Variants in POLQ observed in about 807,000 individuals in gnomAD.
POLQ encodes the protein epididymis secretory sperm binding protein.
In POLQ, 233 loss-of-function variants were observed where a neutral mutation model predicts 259.2. That is an observed-to-expected ratio of 0.90 (90% confidence interval 0.81 to 1.00). The LOEUF (loss-of-function observed/expected upper bound fraction) is 1.00, where lower values mean the gene tolerates loss of function less well. POLQ is among the 50% of genes least tolerant of loss of function. The pLI is 0.00. For missense variants in POLQ, 2,871 were observed against 3,051.6 expected (o/e 0.94, Z 1.39); for synonymous variants, 1,025 against 1,048.8 (o/e 0.98, Z 0.44).
At chr3:121,462,670 C>G (rs1190205690) in intron 24 of POLQ, among the ~76,000 whole-genome samples, 1 of 152,162 alleles carries the variant, frequency 6.6e-6, no homozygotes, top group Non-Finnish European at 1.5e-5. Context: ...ACAACTACTT[C>G]AACAACATAT....
intron 4 of POLQ, 106 bp downstream of exon 4, chr3:121,539,327 A>G: frequency 1.2e-6 from 1 of 841,032 alleles, no homozygotes; most frequent in South Asian, 1.7e-5. Flanking sequence ...GAAGTAGATA[A>G]TAGACAATAG....
In POLQ at chr3:121,514,290, C is replaced by T. The variant is rs559791558; in HGVS notation, c.1469-2261G>A. Among the ~76,000 whole-genome samples, 266 of 143,942 alleles carry T rather than the reference C, an allele frequency of 1.8e-3. 1 individual carries two copies. Among genetic ancestry groups the T allele is most frequent in the African/African-American group, 5.9e-3 (227 of 38,676 alleles). 94.4% of individuals were successfully genotyped at this position (143,942 alleles called of 152,430 possible). A position where few individuals can be genotyped will look rare whatever the true frequency, so the allele number is the denominator to read the frequency against. ...TTGCAGTGAACCAAGATTGCGCCAT[C>T]GCACTACAGCCTGGGCAACAAGAGT... On this transcript the variant is annotated intron_variant, in intron 9 of 29. Transcript: ENST00000264233.
intron 25 of POLQ, among the ~76,000 whole-genome samples, chr3:121,456,879 T>A (rs527926204): frequency 5.9e-5 from 9 of 152,028 alleles, no homozygotes; most frequent in African/African-American, 1.9e-4. Flanking sequence ...ATTGGAAAAA[T>A]CTACTTTAAA....
At chr3:121,455,235 G>A (rs2047723023) in intron 25 of POLQ, among the ~76,000 whole-genome samples, 1 of 145,742 alleles carries the variant, frequency 6.9e-6, no homozygotes, top group Non-Finnish European at 1.5e-5. Context: ...TCAAAGCAGT[G>A]TGTAGAGGGA....
chr3:121,496,972 A>G lies in POLQ; in HGVS notation c.2154-40T>C. ...TCAAAAGCGTGGTAAGAGATCCTTCACGTCTACTAGGCGATACAGTGTGTT... is the reference window on the plus strand; with the variant it reads ...TCAAAAGCGTGGTAAGAGATCCTTCGCGTCTACTAGGCGATACAGTGTGTT... On this transcript the variant is annotated intron_variant, in intron 13 of 29. Coordinates refer to ENST00000264233, the MANE Select transcript of POLQ (RefSeq NM_199420.4). 2.5e-6 allele frequency: 4 copies of G among 1,607,562 alleles called. 1 individual carries two copies. The highest frequency in any genetic ancestry group is 3.4e-5 in the Admixed American group (2 of 58,836).
chr3:121,494,517 G>A (rs940242028), intron 14 of POLQ: 19 of 1,569,392 alleles, frequency 1.2e-5, no homozygotes, highest in Middle Eastern at 2.3e-4. Flanking sequence ...CCTGTCCTTC[G>A]AACAGGAGTT....
At chr3:121,460,360 G>A (rs760606154) in intron 24 of POLQ, 126 bp from the exon 25 acceptor site, 2 of 650,700 alleles carry the variant, frequency 3.1e-6, no homozygotes, top group Non-Finnish European at 5.4e-6. Context: ...GAAATCACAT[G>A]TCAAAAGTTA....
chr3:121,498,338 A>G, intron 13 of POLQ, 139 bp downstream of exon 13: 1 of 555,082 alleles, frequency 1.8e-6, no homozygotes, highest in Non-Finnish European at 3.1e-6. Flanking sequence ...GAAAATGAAA[A>G]AAAAGAAAAC....
At chr3:121,454,382 A>G (rs1178219673) in intron 25 of POLQ, among the ~76,000 whole-genome samples, 1 of 152,208 alleles carries the variant, frequency 6.6e-6, no homozygotes, top group Admixed American at 6.5e-5. Context: ...ACACATAACA[A>G]TATTAACTTT....
intron 26 of POLQ, among the ~76,000 whole-genome samples, chr3:121,443,235 G>T (rs989013052): frequency 1.3e-5 from 2 of 152,206 alleles, no homozygotes; most frequent in African/African-American, 2.4e-5. Flanking sequence ...GTGAATGATG[G>T]TTCCTTTTTC....
In POLQ at chr3:121,476,576, G is replaced by T; in HGVS notation, c.6369C>A (p.His2123Gln). 1 of 1,613,784 alleles carries T rather than the reference G, an allele frequency of 6.2e-7. No homozygotes were observed. Among genetic ancestry groups the T allele is most frequent in the Non-Finnish European group, 8.5e-7 (1 of 1,179,838 alleles). ...IETQAYQLAG[H>Q]SFSFTSSDDI... ...CATCTGAACTGGTGAAAGAAAAACT[G>T]TGGCCAGCTAGTTGATAGGCCTGGG... is the stretch of plus-strand genomic sequence containing the variant. The change falls in exon 20 of 30, where the codon CAC becomes CAA. Residue 2123 changes from histidine to glutamine, a missense_variant. Physicochemically the swap from His to Gln is conservative, Grantham distance 24. This residue lies in a region of POLQ where 2,080 missense variants were observed against 2,126.0 expected (regional missense o/e 0.98). Coordinates refer to ENST00000264233, the MANE Select transcript of POLQ (RefSeq NM_199420.4).
At position 121,431,991 on chromosome 3, in the gene POLQ, T is replaced by G. The variant is rs771732671; in HGVS notation, c.*313A>C. 8.9e-6 allele frequency: 2 copies of G among 225,598 alleles called. No homozygotes were observed. The highest frequency in any genetic ancestry group is 1.7e-5 in the Non-Finnish European group (2 of 117,094). 14.0% of individuals were successfully genotyped at this position (225,598 alleles called of 1,614,324 possible). A position where few individuals can be genotyped will look rare whatever the true frequency, so the allele number is the denominator to read the frequency against. ...CCAGACAGATGTGGAACCAAAGTGC[T>G]AAGTGCATATTTCAAGCATCTGTTC... On this transcript the variant is annotated 3_prime_UTR_variant, in exon 30 of 30. Coordinates refer to ENST00000264233, the MANE Select transcript of POLQ (RefSeq NM_199420.4).
At chr3:121,529,987 ATACT>A (rs2048399629) in intron 6 of POLQ, among the ~76,000 whole-genome samples, 195 bp from the exon 7 acceptor site, 1 of 152,216 alleles carries the variant, frequency 6.6e-6, no homozygotes, top group African/African-American at 2.4e-5. Context: ...GGTGAAAGAA[ATACT>A]TACTATTCAT....
In POLQ at chr3:121,529,692, G is replaced by A. The variant is rs1190411563; in HGVS notation, c.1061C>T (p.Ala354Val). Residue 354 changes from alanine (A) to valine (V), a missense_variant, in exon 7 of 30, where the codon GCA (alanine) becomes GTA (valine). Around this residue, in one of 3 missense-constraint regions of POLQ, gnomAD observed 783 missense variants for 906.2 expected, o/e 0.86. Coordinates refer to ENST00000264233, the MANE Select transcript of POLQ (RefSeq NM_199420.4). ...ATAAAACTCTCGAGCAATGATATCT[G>A]CCAGCTTCTCACACCATTTCTTTGA... ...CPSKKWCEKLADIIAREFYNL... is the reference protein window; with the variant it reads ...CPSKKWCEKLVDIIAREFYNL... 3 of 1,612,990 alleles carry A rather than the reference G, an allele frequency of 1.9e-6. No homozygotes were observed. Among genetic ancestry groups the A allele is most frequent in the Non-Finnish European group, 1.7e-6 (2 of 1,179,350 alleles).
intron 13 of POLQ, among the ~76,000 whole-genome samples, chr3:121,497,245 T>A (rs190314408): frequency 1.3e-5 from 2 of 152,310 alleles, no homozygotes; most frequent in East Asian, 3.9e-4. Flanking sequence ...ATTAAAAAGA[T>A]AACTTGATAT....
rs577415467 is a variant in POLQ at position 121,480,850 on chromosome 3, T to A, written c.6211+722A>T. On this transcript the variant is annotated intron_variant, in intron 19 of 29. Coordinates refer to ENST00000264233, the MANE Select transcript of POLQ (RefSeq NM_199420.4). ...TCAGCTCATAAGTGGATAACCCAGATCCAAACCCTAGTCTGTATGAATTCA... is the reference window on the plus strand; with the variant it reads ...TCAGCTCATAAGTGGATAACCCAGAACCAAACCCTAGTCTGTATGAATTCA... Among the ~76,000 whole-genome samples the A allele has an allele frequency of 2.8e-4, 43 of 152,290 alleles. 2 individuals are homozygous for A. The South Asian group carries it at 8.7e-3, about 31-fold the overall frequency.
intron 5 of POLQ, among the ~76,000 whole-genome samples, chr3:121,535,299 T>C (rs1282210594): frequency 6.6e-6 from 1 of 152,138 alleles, no homozygotes; most frequent in Non-Finnish European, 1.5e-5. Context: ...TAAAAAATTG[T>C]TTACAAAGGA....
chr3:121,439,719 TAATA>T (rs2047573765), intron 27 of POLQ, among the ~76,000 whole-genome samples: 1 of 152,274 alleles, frequency 6.6e-6, no homozygotes, highest in Non-Finnish European at 1.5e-5. Context: ...GTACCTAAGC[TAATA>T]AATAATTGGT....
intron 14 of POLQ, among the ~76,000 whole-genome samples, chr3:121,496,485 T>C (rs758192988): frequency 6.6e-6 from 1 of 152,094 alleles, no homozygotes; most frequent in Non-Finnish European, 1.5e-5. Context: ...ATCAGTACCT[T>C]AATGAGAAAG....
Sources: allele counts gnomAD v4.1 joint callset (sites outside exome capture counted in the v4.1 genomes callset), GRCh38; gene constraint gnomAD v4.1.1; regional missense constraint gnomAD v4.1.1; transcripts MANE v1.5; gene names NCBI Gene and HGNC (gene_info 2026-07-23, HGNC 2026-07-21).